Variants in KNTC1 observed in about 807,000 individuals in gnomAD.
The protein encoded by KNTC1 is kinetochore-associated protein 1.
In KNTC1, 253 loss-of-function variants were observed where a neutral mutation model predicts 314.4. The ratio of observed to expected loss-of-function variants is 0.80; its 90% CI spans 0.73 to 0.89. KNTC1 has a LOEUF of 0.89. Among genes scored for constraint, KNTC1 ranks in the 40% least tolerant of loss-of-function variants. KNTC1 has a pLI of 0.00. For synonymous variants in KNTC1, 901 were observed against 901.4 expected (o/e 1.00, Z 0.01); for missense variants, 2,475 against 2,572.9 (o/e 0.96, Z 0.82).
chr12:122,574,959 G>A (rs1057348861), intron 27 of KNTC1, among the ~76,000 whole-genome samples: 1 of 152,132 alleles, frequency 6.6e-6, no homozygotes, highest in East Asian at 1.9e-4. Flanking sequence ...AATGAAAACT[G>A]TTTTTAAACC....
chr12:122,577,876 A>T (rs536041280), intron 31 of KNTC1, 85 bp downstream of exon 31: 2 of 1,229,922 alleles, frequency 1.6e-6, no homozygotes, highest in Non-Finnish European at 2.2e-6. Flanking sequence ...ACTTACACAT[A>T]TGAAGATCTG....
intron 3 of KNTC1, among the ~76,000 whole-genome samples, chr12:122,536,259 G>T (rs1472295022): frequency 6.7e-6 from 1 of 148,558 alleles, no homozygotes; most frequent in Admixed American, 6.8e-5. Context: ...ATGTAGTCTC[G>T]CACTGTCGCC....
At chr12:122,608,818 G>C (rs112729959) in intron 51 of KNTC1, among the ~76,000 whole-genome samples, 3,250 of 152,282 alleles carry the variant, frequency 0.021, 108 homozygotes, top group African/African-American at 0.071. Flanking sequence ...AGCACTTTGG[G>C]AGGCTGAGGT....
At chr12:122,590,482 A>T in intron 40 of KNTC1, 125 bp from the exon 41 acceptor site, 2 of 945,426 alleles carry the variant, frequency 2.1e-6, no homozygotes, top group South Asian at 2.1e-5. Context: ...TTTTTTCTTT[A>T]AAAAGTTTTT....
intron 2 of KNTC1, among the ~76,000 whole-genome samples, chr12:122,534,364 C>T (rs530534659): frequency 6.6e-6 from 1 of 152,276 alleles, no homozygotes; most frequent in Non-Finnish European, 1.5e-5. Context: ...TTGATTAATT[C>T]ATTATGTTAA....
chr12:122,538,303 C>G, intron 3 of KNTC1, 36 bp from the exon 4 acceptor site: 1 of 1,194,196 alleles, frequency 8.4e-7, no homozygotes, highest in Non-Finnish European at 1.2e-6. Flanking sequence ...TAAAGATTTT[C>G]GAAGGAAGCT....
chr12:122,612,508 C>T (rs1035820287), intron 53 of KNTC1, among the ~76,000 whole-genome samples: 1 of 150,828 alleles, frequency 6.6e-6, no homozygotes, highest in African/African-American at 2.4e-5. Context: ...CAACCTCCGC[C>T]TCCGGGTTCA....
At chr12:122,541,743 G>A (rs962940678) in intron 5 of KNTC1, among the ~76,000 whole-genome samples, 2 of 151,896 alleles carry the variant, frequency 1.3e-5, no homozygotes, top group Non-Finnish European at 2.9e-5. Flanking sequence ...ATTCCCAGCC[G>A]TGAGCAGTGG....
intron 18 of KNTC1, among the ~76,000 whole-genome samples, 153 bp from the exon 19 acceptor site, chr12:122,561,768 A>T (rs1368245166): frequency 4.6e-5 from 7 of 152,186 alleles, no homozygotes; most frequent in Admixed American, 4.6e-4. Context: ...GCATTATTTT[A>T]AAAAACATGT....
At chr12:122,552,026 G>A (rs1963234407) in intron 16 of KNTC1, among the ~76,000 whole-genome samples, 1 of 152,082 alleles carries the variant, frequency 6.6e-6, no homozygotes. Flanking sequence ...TCCTGCCTCA[G>A]CCTACCGAGT....
chr12:122,614,193 A>T (rs1873500959), intron 55 of KNTC1, among the ~76,000 whole-genome samples: 1 of 152,166 alleles, frequency 6.6e-6, no homozygotes, highest in Non-Finnish European at 1.5e-5. Flanking sequence ...CTCCTGTCAC[A>T]GCGTGTGGAT....
Position 122,585,860 on chromosome 12 carries a change from C to T in KNTC1, c.3673+86C>T, listed in dbSNP as rs79746584. 7.5e-3 allele frequency: 9,796 copies of T among 1,302,112 alleles called. 580 individuals are homozygous for T. The African/African-American group carries it at 0.12, about 17-fold the overall frequency. 80.7% of individuals were successfully genotyped at this position (1,302,112 alleles called of 1,614,324 possible). On this transcript the variant is annotated intron_variant, in intron 37 of 63. Transcript: ENST00000333479. ...AGAGGTTTGGAGCTAGAACTACACACAGTAATGTGGGCGAACCTTATAAGC... is the reference window on the plus strand; with the variant it reads ...AGAGGTTTGGAGCTAGAACTACACATAGTAATGTGGGCGAACCTTATAAGC...
At chr12:122,597,632 T>G in intron 43 of KNTC1, 99 bp from the exon 44 acceptor site, 1 of 961,970 alleles carries the variant, frequency 1.0e-6, no homozygotes, top group Non-Finnish European at 1.6e-6. Flanking sequence ...CAAGGTTAAA[T>G]TTCAACAATG....
chr12:122,620,747 G>T, intron 60 of KNTC1, 139 bp downstream of exon 60: 1 of 848,250 alleles, frequency 1.2e-6, no homozygotes, highest in Admixed American at 2.9e-5. Context: ...CTTGTATGGG[G>T]GCTTAGTGGG....
intron 53 of KNTC1, chr12:122,611,679 T>C (rs976534810): frequency 6.6e-6 from 1 of 152,188 alleles, no homozygotes; most frequent in Non-Finnish European, 1.5e-5. Flanking sequence ...CAGTAATCTT[T>C]CCGTATCTGT....
At chr12:122,549,657 C>G (rs537608627) in intron 12 of KNTC1, 109 bp from the exon 13 acceptor site, 18 of 656,942 alleles carry the variant, frequency 2.7e-5, no homozygotes, top group South Asian at 2.7e-4. Context: ...TGAGCCACCA[C>G]GCCCAGCCGC....
chr12:122,586,692 CT>C lies in KNTC1; in HGVS notation c.3674-5del. The C allele has an allele frequency of 7.0e-7, 1 of 1,427,740 alleles. No homozygotes were observed. 88.4% of individuals were successfully genotyped at this position (1,427,740 alleles called of 1,614,324 possible). On this transcript the variant is annotated splice_region_variant and splice_polypyrimidine_tract_variant and intron_variant, in intron 37 of 63. Coordinates refer to ENST00000333479, the MANE Select transcript of KNTC1 (RefSeq NM_014708.6). ...TTAGTGTTGTTTAATGTTTTATTATCTTTTGTAGAAAGCAAGAGATATCCCT... is the reference window on the plus strand; with the variant it reads ...TTAGTGTTGTTTAATGTTTTATTATCTTTGTAGAAAGCAAGAGATATCCCT...
intron 16 of KNTC1, among the ~76,000 whole-genome samples, chr12:122,553,625 G>A (rs1353139860): frequency 6.6e-6 from 1 of 152,140 alleles, no homozygotes; most frequent in Non-Finnish European, 1.5e-5. Context: ...GCTTCTAAGG[G>A]TCGGAGACAC....
intron 45 of KNTC1, among the ~76,000 whole-genome samples, chr12:122,602,199 A>G (rs1015600592): frequency 1.3e-5 from 2 of 152,072 alleles, no homozygotes; most frequent in African/African-American, 4.8e-5. Context: ...AATATAAAAT[A>G]TAAACATAGG....
Sources: allele counts gnomAD v4.1 joint callset (sites outside exome capture counted in the v4.1 genomes callset), GRCh38; gene constraint gnomAD v4.1.1; transcripts MANE v1.5; gene names NCBI Gene and HGNC (gene_info 2026-07-23, HGNC 2026-07-21).